FBXW7: variants seen among roughly 807,000 people sequenced by gnomAD.
FBXW7 encodes F-box/WD repeat-containing protein 7.
A neutral mutation model predicts 86.3 loss-of-function variants in FBXW7; 11 were observed. That is an observed-to-expected ratio of 0.13 (90% CI 0.08 to 0.21). The LOEUF is 0.21. FBXW7 is among the 10% of genes least tolerant of loss of function. FBXW7 has a pLI of 1.00. For synonymous variants in FBXW7, 313 were observed against 297.9 expected (o/e 1.05, Z -0.52); for missense variants, 488 against 847.4 (o/e 0.58, Z 5.27).
intron 4 of FBXW7, among the ~76,000 whole-genome samples, chr4:152,409,924 T>C (rs1737780326): frequency 6.6e-6 from 1 of 152,122 alleles, no homozygotes; most frequent in Non-Finnish European, 1.5e-5. Context: ...GTATACTTCG[T>C]TTTTAAAAAG....
At chr4:152,330,255 T>A (rs1269513724) in intron 9 of FBXW7, among the ~76,000 whole-genome samples, 2 of 151,922 alleles carry the variant, frequency 1.3e-5, no homozygotes, top group African/African-American at 4.8e-5. Context: ...GTTGTAAAAA[T>A]ACGCCCAATA....
intron 2 of FBXW7, among the ~76,000 whole-genome samples, chr4:152,429,785 T>C (rs541429944): frequency 1.3e-5 from 2 of 152,326 alleles, no homozygotes; most frequent in African/African-American, 2.4e-5. Context: ...CACTAATATA[T>C]TGTTGGTATG....
intron 4 of FBXW7, among the ~76,000 whole-genome samples, chr4:152,351,351 G>C (rs531343794): frequency 6.6e-6 from 1 of 152,076 alleles, no homozygotes; most frequent in South Asian, 2.1e-4. Flanking sequence ...GGCTAGAGGT[G>C]AGGGTACAAC....
At chr4:152,437,760 T>C (rs1055539077) in intron 2 of FBXW7, among the ~76,000 whole-genome samples, 10 of 152,286 alleles carry the variant, frequency 6.6e-5, no homozygotes, top group African/African-American at 2.4e-4. Flanking sequence ...GACACAGCCA[T>C]TCCAACCCTC....
intron 5 of FBXW7, among the ~76,000 whole-genome samples, chr4:152,347,971 G>GA (rs1169901009): frequency 6.6e-6 from 1 of 151,714 alleles, no homozygotes; most frequent in Non-Finnish European, 1.5e-5. Context: ...AAAGACCTTG[G>GA]AAAAAAAGCA....
At chr4:152,367,520 C>G (rs192251760) in intron 4 of FBXW7, among the ~76,000 whole-genome samples, 1 of 152,042 alleles carries the variant, frequency 6.6e-6, no homozygotes, top group Non-Finnish European at 1.5e-5. Context: ...CACTAAAATA[C>G]TCTAATAAAA....
chr4:152,505,106 A>ACAGTACAGT, intron 2 of FBXW7, among the ~76,000 whole-genome samples: 1 of 152,194 alleles, frequency 6.6e-6, no homozygotes, highest in African/African-American at 2.4e-5. Flanking sequence ...TACTGTACTG[A>ACAGTACAGT]ATACTGTATG....
intron 4 of FBXW7, among the ~76,000 whole-genome samples, chr4:152,359,164 C>T (rs1732682718): frequency 6.6e-6 from 1 of 152,002 alleles, no homozygotes; most frequent in African/African-American, 2.4e-5. Flanking sequence ...GTGACAGAAA[C>T]TGAGAAAATT....
chr4:152,472,354 A>G (rs901599527), intron 2 of FBXW7, among the ~76,000 whole-genome samples: 3 of 152,230 alleles, frequency 2.0e-5, no homozygotes, highest in East Asian at 1.9e-4. Context: ...GAATTATCAC[A>G]GCAGCACTAT....
At chr4:152,370,955 C>T (rs1433519242) in intron 4 of FBXW7, among the ~76,000 whole-genome samples, 4 of 151,788 alleles carry the variant, frequency 2.6e-5, no homozygotes, top group South Asian at 2.1e-4. Context: ...AAAAACCCTA[C>T]TTTAATAATT....
chr4:152,474,679 A>AT (rs1014081633), intron 2 of FBXW7, among the ~76,000 whole-genome samples: 3 of 152,028 alleles, frequency 2.0e-5, no homozygotes, highest in Non-Finnish European at 4.4e-5. Context: ...ATCCCATAAC[A>AT]TTTTTTTAAG....
intron 2 of FBXW7, among the ~76,000 whole-genome samples, chr4:152,463,570 G>GA (rs1001009691): frequency 6.0e-5 from 9 of 150,282 alleles, no homozygotes; most frequent in Non-Finnish European, 1.2e-4. Flanking sequence ...ATTATCTTAA[G>GA]AAAAAAAAAG....
intron 2 of FBXW7, among the ~76,000 whole-genome samples, chr4:152,490,529 G>A (rs935961848): frequency 2.0e-5 from 3 of 151,924 alleles, no homozygotes; most frequent in Admixed American, 1.3e-4. Context: ...GAAGAAACAG[G>A]CAAAAAGCAG....
intron 2 of FBXW7, among the ~76,000 whole-genome samples, chr4:152,491,233 C>T (rs1745821797): frequency 6.6e-6 from 1 of 152,064 alleles, no homozygotes; most frequent in Admixed American, 6.6e-5. Context: ...AACATACTGA[C>T]CTTACAACAT....
chr4:152,357,581 A>G (rs931437771), intron 4 of FBXW7, among the ~76,000 whole-genome samples: 1 of 152,092 alleles, frequency 6.6e-6, no homozygotes, highest in African/African-American at 2.4e-5. Flanking sequence ...TCAGCCTCCC[A>G]AGGTGCTGGG....
chr4:152,381,798 CT>C (rs1440919419), intron 4 of FBXW7, among the ~76,000 whole-genome samples: 1 of 152,074 alleles, frequency 6.6e-6, no homozygotes, highest in Non-Finnish European at 1.5e-5. Flanking sequence ...ATTTGGAACA[CT>C]TTTTAACGAA....
intron 2 of FBXW7, among the ~76,000 whole-genome samples, chr4:152,469,568 A>C (rs1310661694): frequency 1.3e-5 from 2 of 152,114 alleles, no homozygotes; most frequent in Non-Finnish European, 2.9e-5. Context: ...TACAAGGAGG[A>C]GTCAAGCAAT....
chr4:152,392,444 T>G (rs1010078211), intron 4 of FBXW7, among the ~76,000 whole-genome samples: 10 of 152,012 alleles, frequency 6.6e-5, no homozygotes, highest in African/African-American at 2.4e-4. Context: ...AAAAAGACCG[T>G]ATTATATAGA....
At chr4:152,323,221 T>C (rs2126468194) in intron 13 of FBXW7, 72 bp from the exon 14 acceptor site, 2 of 1,484,252 alleles carry the variant, frequency 1.3e-6, no homozygotes, top group Non-Finnish European at 1.8e-6. Flanking sequence ...TTATAATTTG[T>C]AGACTTCTAC....
Sources: allele counts gnomAD v4.1 joint callset (sites outside exome capture counted in the v4.1 genomes callset), GRCh38; gene constraint gnomAD v4.1.1; transcripts MANE v1.5; gene names NCBI Gene and HGNC (gene_info 2026-07-23, HGNC 2026-07-21).